Variants in PPP2R2B observed in about 807,000 individuals in gnomAD.
PPP2R2B encodes the protein protein phosphatase 2 regulatory subunit Bbeta.
Under a neutral mutation model 46.0 loss-of-function variants are expected in PPP2R2B, and 5 were observed. The observed-to-expected ratio is 0.11, with a 90% CI of 0.06 to 0.23. The LOEUF (loss-of-function observed/expected upper bound fraction) is 0.23. PPP2R2B is among the 10% of genes least tolerant of loss of function. PPP2R2B has a pLI of 1.00. For missense variants in PPP2R2B, 367 were observed against 575.0 expected, an observed-to-expected ratio of 0.64 and a Z score of 3.70; for synonymous variants, 215 against 206.7, an observed-to-expected ratio of 1.04 and a Z score of -0.34.
At chr5:146,842,171 C>A (rs148167752) in intron 2 of PPP2R2B, among the ~76,000 whole-genome samples, 2 of 152,250 alleles carry the variant, frequency 1.3e-5, no homozygotes, top group East Asian at 3.9e-4. Flanking sequence ...TCACTCCAAC[C>A]TTTACCTTCT....
In PPP2R2B at chr5:146,789,632, C is replaced by T. The variant is rs1017229257; in HGVS notation, c.70+88370G>A. 2.0e-5 allele frequency among the ~76,000 whole-genome samples: 3 copies of T among 152,066 alleles called. No individual in the cohort carries two copies. The South Asian group carries it at 6.3e-4, about 32-fold the overall frequency. On this transcript the variant is annotated intron_variant, in intron 2 of 9. Coordinates refer to ENST00000394411, the MANE Select transcript of PPP2R2B (RefSeq NM_181675.4). Reference sequence around the variant, plus strand: ...GACAGTCACGGGCATGGTCCCTGCCCTCAAGGAGAGAGAGGCAATACATCT... The same window carrying T: ...GACAGTCACGGGCATGGTCCCTGCCTTCAAGGAGAGAGAGGCAATACATCT...
At chr5:147,039,314 T>A (rs1257307679) in intron 1 of PPP2R2B, among the ~76,000 whole-genome samples, 5 of 152,284 alleles carry the variant, frequency 3.3e-5, no homozygotes, top group African/African-American at 1.2e-4. Context: ...CCCCTACTAA[T>A]ATGCAAGTGC....
At chr5:146,663,087 C>A (rs1023529515) in intron 5 of PPP2R2B, among the ~76,000 whole-genome samples, 2 of 152,136 alleles carry the variant, frequency 1.3e-5, no homozygotes, top group Non-Finnish European at 2.9e-5. Context: ...ACTATTAATT[C>A]ATTTACACTC....
chr5:147,036,077 A>G (rs1425819315), intron 1 of PPP2R2B, among the ~76,000 whole-genome samples: 2 of 152,168 alleles, frequency 1.3e-5, no homozygotes, highest in African/African-American at 4.8e-5. Flanking sequence ...AACGTGTACC[A>G]TGGTGGTTTG....
chr5:146,951,231 T>C (rs1269634052), intron 1 of PPP2R2B, among the ~76,000 whole-genome samples: 2 of 152,092 alleles, frequency 1.3e-5, no homozygotes, highest in African/African-American at 4.8e-5. Context: ...ATAGAATGTA[T>C]GCATTTTAAG....
At chr5:146,712,153 G>T (rs1018838653) in intron 2 of PPP2R2B, among the ~76,000 whole-genome samples, 1 of 152,150 alleles carries the variant, frequency 6.6e-6, no homozygotes, top group Non-Finnish European at 1.5e-5. Flanking sequence ...ATTATGTTAC[G>T]ATGGTTTTTC....
chr5:146,989,374 A>G (rs548969429), intron 1 of PPP2R2B, among the ~76,000 whole-genome samples: 17 of 152,140 alleles, frequency 1.1e-4, no homozygotes, highest in Non-Finnish European at 2.1e-4. Context: ...AACTAATTCA[A>G]CAACACATTA....
At chr5:146,794,989 T>C (rs1248447485) in intron 2 of PPP2R2B, among the ~76,000 whole-genome samples, 1 of 152,104 alleles carries the variant, frequency 6.6e-6, no homozygotes, top group Admixed American at 6.6e-5. Flanking sequence ...AATGAAAATA[T>C]GGGGGCAAAG....
chr5:146,916,142 T>C (rs1267518287), intron 1 of PPP2R2B, among the ~76,000 whole-genome samples: 2 of 152,206 alleles, frequency 1.3e-5, no homozygotes, highest in Non-Finnish European at 2.9e-5. Flanking sequence ...CGGTTTGTAC[T>C]TAAATATCTG....
chr5:146,812,669 A>G (rs1216719441), intron 2 of PPP2R2B, among the ~76,000 whole-genome samples: 1 of 14,366 alleles, frequency 7.0e-5, no homozygotes, highest in African/African-American at 3.9e-4. Flanking sequence ...TCAGAAGAGT[A>G]TATATATATA....
rs1757532979 is a variant in PPP2R2B at position 147,069,828 on chromosome 5, C to CTT, written c.50+11230_50+11231insAA. ...TTTTTTGAGATGGAGTCTTGCTCTG[C>CTT]CTCCCAGGCTGGAGTACAGTGACAC... is the stretch of plus-strand genomic sequence containing the variant. On this transcript the variant is annotated intron_variant, in intron 2 of 10. Transcript: ENST00000394413. Among the ~76,000 whole-genome samples the CTT allele has an allele frequency of 7.9e-5, 8 of 101,386 alleles. No homozygotes were observed. In the South Asian group the frequency reaches 1.6e-3, roughly 20 times the overall value. 66.5% of individuals were successfully genotyped at this position (101,386 alleles called of 152,430 possible). A position where few individuals can be genotyped will look rare whatever the true frequency, so the allele number is the denominator to read the frequency against.
chr5:147,013,091 C>A (rs976131449), intron 1 of PPP2R2B, among the ~76,000 whole-genome samples: 1 of 150,024 alleles, frequency 6.7e-6, no homozygotes, highest in African/African-American at 2.4e-5. Flanking sequence ...ACACCAACAA[C>A]AGACAAACAG....
intron 2 of PPP2R2B, chr5:146,706,466 C>T: frequency 8.8e-7 from 1 of 1,132,526 alleles, no homozygotes. Context: ...AGGTGGCGAT[C>T]TCGATGTCCA....
intron 1 of PPP2R2B, among the ~76,000 whole-genome samples, chr5:146,908,188 A>G (rs1481450730): frequency 6.6e-6 from 1 of 152,208 alleles, no homozygotes; most frequent in East Asian, 1.9e-4. Flanking sequence ...TGAGGGAAAC[A>G]CTTCTGTGAT....
rs146604429 is a variant in PPP2R2B at position 147,031,031 on chromosome 5, T to C, written c.79+24634A>G. On this transcript the variant is annotated intron_variant, in intron 1 of 8. Coordinates refer to the PPP2R2B transcript ENST00000336640. ...GCGGGCGGATCACGAGGTCAGGAGA[T>C]CGAGACCATCCTGACTAACACGGTA... 5.7e-3 allele frequency among the ~76,000 whole-genome samples: 860 copies of C among 152,176 alleles called. 2 individuals carry two copies. Among genetic ancestry groups the C allele is most frequent in the Middle Eastern group, 0.014 (4 of 294 alleles).
chr5:146,682,065 AGAGAACTC>A (rs1778208672), intron 5 of PPP2R2B, among the ~76,000 whole-genome samples: 1 of 152,194 alleles, frequency 6.6e-6, no homozygotes, highest in Admixed American at 6.5e-5. Context: ...CAAAAGACAA[AGAGAACTC>A]GATCCTAAAC....
chr5:146,808,741 A>G (rs1757343873), intron 2 of PPP2R2B, among the ~76,000 whole-genome samples: 1 of 152,186 alleles, frequency 6.6e-6, no homozygotes, highest in Non-Finnish European at 1.5e-5. Flanking sequence ...TCCTCTCTGA[A>G]ATAAAACAGA....
intron 7 of PPP2R2B, among the ~76,000 whole-genome samples, chr5:146,628,935 T>C (rs1448201163): frequency 6.6e-6 from 1 of 152,210 alleles, no homozygotes; most frequent in African/African-American, 2.4e-5. Context: ...CTCACTTCCC[T>C]GGTAGCTCAT....
chr5:146,600,470 A>C lies in PPP2R2B; in HGVS notation c.791-10T>G. 1.2e-6 allele frequency: 2 copies of C among 1,613,370 alleles called. No homozygotes were observed. The highest frequency in any genetic ancestry group is 1.7e-6 in the Non-Finnish European group (2 of 1,179,626). ...TCCGGCTCTTCAAAAACTGCAGAAC[A>C]AAAGCAAAACAAGACAAATTTAGCA... is the stretch of plus-strand genomic sequence containing the variant. On this transcript the variant is annotated splice_polypyrimidine_tract_variant and intron_variant, in intron 7 of 9. Coordinates refer to ENST00000394411, the MANE Select transcript of PPP2R2B (RefSeq NM_181675.4).
Sources: gnomAD v4.1 joint callset for allele counts (sites outside exome capture counted in the v4.1 genomes callset) on GRCh38, gnomAD v4.1.1 for gene constraint, MANE v1.5 for transcripts, NCBI Gene and HGNC (gene_info 2026-07-23, HGNC 2026-07-21) for gene names.